Variants in TMEM269 observed in about 807,000 individuals in gnomAD.
The protein encoded by TMEM269 is transmembrane protein 269.
TMEM269 carries 12 observed loss-of-function variants against 15.8 expected under a neutral mutation model. The observed-to-expected ratio is 0.76, with a 90% CI of 0.49 to 1.23. TMEM269 has a LOEUF of 1.23. TMEM269 is among the 50% of genes most tolerant of loss of function. The pLI is 0.00. For synonymous variants in TMEM269, 93 were observed against 99.3 expected (o/e 0.94, Z 0.38); for missense variants, 211 against 245.4 (o/e 0.86, Z 0.94).
intron 1 of TMEM269, among the ~76,000 whole-genome samples, chr1:42,786,601 T>A (rs1317000855): frequency 6.6e-6 from 1 of 152,234 alleles, no homozygotes; most frequent in Non-Finnish European, 1.5e-5. Context: ...ACCTGCAGTC[T>A]CGTGCTGTGC....
rs1039182284 is a variant in TMEM269 at position 42,790,000 on chromosome 1, G to T, written c.41+66G>T. On this transcript the variant is annotated intron_variant, in intron 2 of 5. Transcript: ENST00000637012. Reference sequence around the variant, plus strand: ...GCCAATGGCATGCGGGAAGGAGAGGGAGAGTTTGGAGAGCAGGCACTGAGG... The same window carrying T: ...GCCAATGGCATGCGGGAAGGAGAGGTAGAGTTTGGAGAGCAGGCACTGAGG... The T allele has an allele frequency of 1.3e-4, 155 of 1,187,046 alleles. No individual in the cohort carries two copies. In the South Asian group the frequency reaches 1.9e-3, roughly 15 times the overall value. The allele number at this position is 1,187,046 out of a possible 1,614,324, so 73.5% of individuals were successfully genotyped here.
At chr1:42,790,761 C>T (rs974778721) in intron 2 of TMEM269, among the ~76,000 whole-genome samples, 2 of 152,042 alleles carry the variant, frequency 1.3e-5, no homozygotes, top group Non-Finnish European at 2.9e-5. Context: ...TTAGTACAGC[C>T]TAATTTTCTA....
Position 42,798,790 on chromosome 1 carries a change from T to G in TMEM269, c.*565T>G, listed in dbSNP as rs960912815. The G allele has an allele frequency of 7.6e-6, 1 of 132,440 alleles. No homozygotes were observed. The highest frequency in any genetic ancestry group is 1.6e-5 in the Non-Finnish European group (1 of 64,312). The allele number at this position is 132,440 out of a possible 1,614,324, so 8.2% of individuals were successfully genotyped here. On this transcript the variant is annotated 3_prime_UTR_variant, in exon 6 of 6. Transcript: ENST00000637012. ...AGGAGTCTCGCTCTTTCACCCAGGC[T>G]GGAGTGCAGTGGAGCGATCTCGGCT... is the stretch of plus-strand genomic sequence containing the variant.
chr1:42,793,717 TC>T lies in TMEM269; in HGVS notation c.257del (p.Ser86PhefsTer33). ...ILAIIYVSAA[S>X]FHLCFYSPGV... ...GGCCATCATCTATGTGTCAGCTGCT[TC>T]TTTCCACTTGTGCTTTTATTCACCT... On this transcript the variant is annotated frameshift_variant, in exon 4 of 6. Coordinates refer to ENST00000637012, the MANE Select transcript of TMEM269 (RefSeq NM_001354602.2). LOFTEE classifies it high-confidence loss of function. The T allele has an allele frequency of 6.4e-7, 1 of 1,550,542 alleles. No homozygotes were observed. The highest frequency in any genetic ancestry group is 1.4e-5 in the African/African-American group (1 of 73,172).
At position 42,789,146 on chromosome 1, in the gene TMEM269, C is replaced by T. The variant is rs571138537; in HGVS notation, c.-98-650C>T. 2.1e-5 allele frequency: 9 copies of T among 420,610 alleles called. No individual in the cohort carries two copies. The South Asian group carries it at 3.1e-4, about 14-fold the overall frequency. 26.1% of individuals were successfully genotyped at this position (420,610 alleles called of 1,614,324 possible). On this transcript the variant is annotated intron_variant, in intron 1 of 5. Coordinates refer to ENST00000637012, the MANE Select transcript of TMEM269 (RefSeq NM_001354602.2). Reference sequence around the variant, plus strand: ...ACATGTTGGCTAGGCTGGTCTCGAACTCCTGGCCTCAGATGATCCACTTGC... The same window carrying T: ...ACATGTTGGCTAGGCTGGTCTCGAATTCCTGGCCTCAGATGATCCACTTGC...
chr1:42,797,689 C>G lies in TMEM269; in HGVS notation c.485-409C>G, dbSNP rs557980090. ...CTTTCTGAGGATAGCAGTCTCAGGC[C>G]TGCACGTAAACTCTTTTCTGCATAC... On this transcript the variant is annotated intron_variant, in intron 5 of 5. Transcript: ENST00000637012. This position sits in a 1 kb window ranked among gnomAD's most constrained non-coding sequence, Gnocchi z 4.9. The G allele has an allele frequency of 2.5e-6, 1 of 400,538 alleles. No homozygotes were observed. Among genetic ancestry groups the G allele is most frequent in the African/African-American group, 2.1e-5 (1 of 48,128 alleles). The allele number at this position is 400,538 out of a possible 1,614,324, so 24.8% of individuals were successfully genotyped here.
At position 42,798,343 on chromosome 1, in the gene TMEM269, G is replaced by C; in HGVS notation, c.*118G>C. 1 of 1,313,158 alleles carries C rather than the reference G, an allele frequency of 7.6e-7. No individual in the cohort carries two copies. Among genetic ancestry groups the C allele is most frequent in the Admixed American group, 2.5e-5 (1 of 40,112 alleles). The allele number at this position is 1,313,158 out of a possible 1,614,324, so 81.3% of individuals were successfully genotyped here. On this transcript the variant is annotated 3_prime_UTR_variant, in exon 6 of 6. Transcript: ENST00000637012. ...TGTGTTGCCATATACTAGATATATGGTATGTCTGTTGCCATGAAGTTAGAA... is the reference window on the plus strand; with the variant it reads ...TGTGTTGCCATATACTAGATATATGCTATGTCTGTTGCCATGAAGTTAGAA...
At chr1:42,793,011 CT>C (rs1489332629) in intron 3 of TMEM269, 109 bp downstream of exon 3, 16 of 834,640 alleles carry the variant, frequency 1.9e-5, no homozygotes, top group Non-Finnish European at 3.9e-6. Context: ...GCATCCACCC[CT>C]GTTCACACCC....
intron 3 of TMEM269, 151 bp from the exon 4 acceptor site, chr1:42,793,450 C>A: frequency 1.3e-6 from 1 of 759,406 alleles, no homozygotes; most frequent in Non-Finnish European, 2.0e-6. Flanking sequence ...AGATCCCGAG[C>A]TTTGATCTGA....
rs1653655761 is a variant in TMEM269 at position 42,790,063 on chromosome 1, G to A, written c.41+129G>A. On this transcript the variant is annotated intron_variant, in intron 2 of 5. Coordinates refer to ENST00000637012, the MANE Select transcript of TMEM269 (RefSeq NM_001354602.2). ...CAGTGTACCCAGGGTAAGTGCAGTGGCTTAGGAGTCAAGAGGCCAAGATCC... is the reference window on the plus strand; with the variant it reads ...CAGTGTACCCAGGGTAAGTGCAGTGACTTAGGAGTCAAGAGGCCAAGATCC... 5.1e-5 allele frequency: 35 copies of A among 680,270 alleles called. 1 individual carries two copies. In the South Asian group the frequency reaches 6.2e-4, roughly 12 times the overall value. The allele number at this position is 680,270 out of a possible 1,614,324, so 42.1% of individuals were successfully genotyped here.
Position 42,798,307 on chromosome 1 carries a change from TTGTA to T in TMEM269, c.*87_*90del, listed in dbSNP as rs939163991. Reference sequence around the variant, plus strand: ...ATTGGGTCAAGCCTGCACTAAAGCTTTGTATGTACCTGTGTTGCCATATACTAGA... The same window carrying T: ...ATTGGGTCAAGCCTGCACTAAAGCTTTGTACCTGTGTTGCCATATACTAGA... On this transcript the variant is annotated 3_prime_UTR_variant, in exon 6 of 6. Coordinates refer to ENST00000637012, the MANE Select transcript of TMEM269 (RefSeq NM_001354602.2). 6.6e-6 allele frequency: 10 copies of T among 1,510,812 alleles called. No individual in the cohort carries two copies. The African/African-American group carries it at 8.3e-5, about 13-fold the overall frequency. The allele number at this position is 1,510,812 out of a possible 1,614,324, so 93.6% of individuals were successfully genotyped here. A position where few individuals can be genotyped will look rare whatever the true frequency, so the allele number is the denominator to read the frequency against.
At chr1:42,789,521 G>A (rs752498317) in intron 1 of TMEM269, 2 of 1,530,442 alleles carry the variant, frequency 1.3e-6, no homozygotes, top group African/African-American at 1.4e-5. Flanking sequence ...CTGTGCTGTG[G>A]GGCAAAGGTG....
In TMEM269 at chr1:42,789,573, C is replaced by T. The variant is rs913742855; in HGVS notation, c.-98-223C>T. 4 of 1,400,188 alleles carry T rather than the reference C, an allele frequency of 2.9e-6. No individual in the cohort carries two copies. The African/African-American group carries it at 5.7e-5, about 20-fold the overall frequency. 86.7% of individuals were successfully genotyped at this position (1,400,188 alleles called of 1,614,324 possible). ...GGAAACTATGCTTGTGTTGGTTCACCCACTCTGCTGTTGAGCTTTCCCAAG... is the reference window on the plus strand; with the variant it reads ...GGAAACTATGCTTGTGTTGGTTCACTCACTCTGCTGTTGAGCTTTCCCAAG... On this transcript the variant is annotated intron_variant, in intron 1 of 5. Coordinates refer to ENST00000637012, the MANE Select transcript of TMEM269 (RefSeq NM_001354602.2).
intron 5 of TMEM269, 109 bp downstream of exon 5, chr1:42,794,722 A>G (rs1371649046): frequency 1.3e-6 from 1 of 780,770 alleles, no homozygotes; most frequent in African/African-American, 1.7e-5. Context: ...TTTTCCCCAT[A>G]GAACTGATAA....
rs537376040 is a variant in TMEM269, at chr1:42,794,642, T to C, written c.484+29T>C. On this transcript the variant is annotated intron_variant, in intron 5 of 5. Coordinates refer to ENST00000637012, the MANE Select transcript of TMEM269 (RefSeq NM_001354602.2). ...AGTGAAAATGTCACTATGGCCAGTT[T>C]GTTATCACAGTTGCTTATTGCCACT... is the stretch of plus-strand genomic sequence containing the variant. The C allele has an allele frequency of 4.9e-5, 73 of 1,489,684 alleles. No individual in the cohort carries two copies. In the South Asian group the frequency reaches 7.6e-4, roughly 16 times the overall value. The allele number at this position is 1,489,684 out of a possible 1,614,324, so 92.3% of individuals were successfully genotyped here.
At position 42,798,473 on chromosome 1, in the gene TMEM269, G is replaced by T. The variant is rs150419945; in HGVS notation, c.*248G>T. 1,964 of 453,210 alleles carry T rather than the reference G, an allele frequency of 4.3e-3. 14 individuals carry two copies. The highest frequency in any genetic ancestry group is 9.0e-3 in the Middle Eastern group (14 of 1,558). The allele number at this position is 453,210 out of a possible 1,614,324, so 28.1% of individuals were successfully genotyped here. ...GTCATGTAGAGCAGAATATCCCCCCGCCTCAAGCTCAATGTGGGCTGGGTT... is the reference window on the plus strand; with the variant it reads ...GTCATGTAGAGCAGAATATCCCCCCTCCTCAAGCTCAATGTGGGCTGGGTT... On this transcript the variant is annotated 3_prime_UTR_variant, in exon 6 of 6. Coordinates refer to ENST00000637012, the MANE Select transcript of TMEM269 (RefSeq NM_001354602.2).
intron 1 of TMEM269, chr1:42,789,265 T>G: frequency 1.7e-6 from 1 of 599,706 alleles, no homozygotes; most frequent in Non-Finnish European, 3.0e-6. Context: ...TTGTGGGAAG[T>G]AGGCCTGCTG....
At chr1:42,792,442 T>C (rs1289535512) in intron 2 of TMEM269, among the ~76,000 whole-genome samples, 8 of 152,084 alleles carry the variant, frequency 5.3e-5, no homozygotes, top group African/African-American at 1.4e-4. Context: ...TAAGAATTCA[T>C]AGGGAGATGG....
intron 1 of TMEM269, among the ~76,000 whole-genome samples, chr1:42,786,562 C>G (rs1352367669): frequency 6.6e-6 from 1 of 152,222 alleles, no homozygotes; most frequent in Non-Finnish European, 1.5e-5. Context: ...ATCCTGAGGG[C>G]ATTCAAGAAG....
Sources: gnomAD v4.1 joint callset for allele counts (sites outside exome capture counted in the v4.1 genomes callset) on GRCh38, gnomAD v4.1.1 for gene constraint, Gnocchi (gnomAD v3.1) non-coding constraint, MANE v1.5 for transcripts, NCBI Gene and HGNC (gene_info 2026-07-23, HGNC 2026-07-21) for gene names.